FBXW12: variants seen among roughly 807,000 people sequenced by gnomAD.
FBXW12 encodes the protein F-box and WD repeat domain containing 12.
In FBXW12, 43 loss-of-function variants were observed where a neutral mutation model predicts 55.3. That is an observed-to-expected ratio of 0.78 (90% CI 0.61 to 1.00). FBXW12 has a LOEUF of 1.00. Among genes scored for constraint, FBXW12 ranks in the 50% least tolerant of loss-of-function variants. The pLI is 0.00. For synonymous variants in FBXW12, 184 were observed against 203.8 expected, an observed-to-expected ratio of 0.90 and a Z score of 0.83; for missense variants, 524 against 560.5, an observed-to-expected ratio of 0.93 and a Z score of 0.66.
rs1560029106 is a variant in FBXW12, at chr3:48,373,290, T to G, written c.91-18T>G. On this transcript the variant is annotated intron_variant, in intron 2 of 10. Coordinates refer to ENST00000296438, the MANE Select transcript of FBXW12 (RefSeq NM_207102.2). Reference sequence around the variant, plus strand: ...ATGTAACTGATTGCCTGCTTGTCTCTTCCTTTCTCTCCCATAGCATTGGAA... The same window carrying G: ...ATGTAACTGATTGCCTGCTTGTCTCGTCCTTTCTCTCCCATAGCATTGGAA... 1 of 1,614,178 alleles carries G rather than the reference T, an allele frequency of 6.2e-7. No homozygotes were observed. Among genetic ancestry groups the G allele is most frequent in the Admixed American group, 1.7e-5 (1 of 60,020 alleles).
intron 8 of FBXW12, 66 bp downstream of exon 8, chr3:48,380,978 C>A: frequency 6.2e-6 from 8 of 1,295,590 alleles, no homozygotes; most frequent in Non-Finnish European, 7.8e-6. Context: ...GTGTTTAGCT[C>A]TAATAAATGG....
Position 48,378,527 on chromosome 3 carries a change from G to A in FBXW12, c.615+1G>A. The A allele has an allele frequency of 1.2e-6, 2 of 1,613,270 alleles. No individual in the cohort carries two copies. Among genetic ancestry groups the A allele is most frequent in the Non-Finnish European group, 1.7e-6 (2 of 1,179,800 alleles). On this transcript the variant is annotated splice_donor_variant, in intron 6 of 10. Transcript: ENST00000296438. LOFTEE classifies it high-confidence loss of function. ...TACAAAGGATGGCCCATTCCTGATG[G>A]TAAGTGAGCCCTGAATTTAGAGGGG...
At position 48,381,031 on chromosome 3, in the gene FBXW12, T is replaced by G. The variant is rs1001050639; in HGVS notation, c.985+119T>G. 1.8e-4 allele frequency: 152 copies of G among 864,080 alleles called. 2 individuals carry two copies. The highest frequency in any genetic ancestry group is 2.5e-4 in the Non-Finnish European group (144 of 574,684). 53.5% of individuals were successfully genotyped at this position (864,080 alleles called of 1,614,324 possible). ...GAGCAGGGGATTTCTAGTTTTTTTT[T>G]TTTTTTTTTGAGACGGAGTCTTGCT... On this transcript the variant is annotated intron_variant, in intron 8 of 10. Transcript: ENST00000296438.
intron 7 of FBXW12, 94 bp downstream of exon 7, chr3:48,379,652 A>AC: frequency 2.0e-6 from 2 of 1,001,040 alleles, no homozygotes; most frequent in Admixed American, 1.9e-5. Flanking sequence ...GACCAGGCAC[A>AC]CTGCTCCTTC....
intron 10 of FBXW12, among the ~76,000 whole-genome samples, chr3:48,382,418 ACTT>A (rs2036791761): frequency 6.6e-6 from 1 of 151,300 alleles, no homozygotes. Flanking sequence ...CCTGCCGAAA[ACTT>A]CTAATTTCTA....
Position 48,381,689 on chromosome 3 carries a change from C to A in FBXW12, c.986-11C>A. 1 of 1,545,886 alleles carries A rather than the reference C, an allele frequency of 6.5e-7. No homozygotes were observed. Among genetic ancestry groups the A allele is most frequent in the Non-Finnish European group, 8.7e-7 (1 of 1,145,280 alleles). ...TGTGTGTATATATATGTGCGTTTTA[C>A]ATGAAAACAGCATATGAGATCGCAA... On this transcript the variant is annotated splice_polypyrimidine_tract_variant and intron_variant, in intron 8 of 10. Transcript: ENST00000296438.
Position 48,381,973 on chromosome 3 carries a change from A to G in FBXW12, c.1183A>G (p.Thr395Ala), listed in dbSNP as rs748901362. Residue 395 changes from threonine to alanine, a missense_variant, in exon 10 of 11, where the codon ACC (threonine) becomes GCC (alanine). Coordinates refer to ENST00000296438, the MANE Select transcript of FBXW12 (RefSeq NM_207102.2). Reference protein sequence around the residue: ...NFWVDPCYVLTTSENSVHVYM... With the variant: ...NFWVDPCYVLATSENSVHVYM... ...TTGGAAGGATCCTTGCTATGTGCTCACCACATCCGAGAACTCTGTGCACGT... is the reference window on the plus strand; with the variant it reads ...TTGGAAGGATCCTTGCTATGTGCTCGCCACATCCGAGAACTCTGTGCACGT... The G allele has an allele frequency of 6.2e-7, 1 of 1,614,156 alleles. No homozygotes were observed. Among genetic ancestry groups the G allele is most frequent in the Admixed American group, 1.7e-5 (1 of 60,018 alleles).
At chr3:48,390,964 T>A (rs1447379946) in intron 10 of FBXW12, among the ~76,000 whole-genome samples, 1 of 151,804 alleles carries the variant, frequency 6.6e-6, no homozygotes. Flanking sequence ...TCTTTAGGGT[T>A]TTCTTTGTAT....
Position 48,378,455 on chromosome 3 carries a change from G to T in FBXW12, c.544G>T (p.Ala182Ser). The T allele has an allele frequency of 1.2e-6, 2 of 1,614,060 alleles. No homozygotes were observed. The highest frequency in any genetic ancestry group is 1.7e-6 in the Non-Finnish European group (2 of 1,180,012). ...VWNCQDRDALAVLPMPQPCYC... is the reference protein window; with the variant it reads ...VWNCQDRDALSVLPMPQPCYC... ...GAACTGTCAGGACAGGGACGCTCTG[G>T]CTGTTCTCCCCATGCCACAGCCCTG... is the stretch of plus-strand genomic sequence containing the variant. The change falls in exon 6 of 11, where the codon GCT (alanine) becomes TCT (serine). Residue 182 changes from alanine (A) to serine (S), a missense_variant. Physicochemically the swap from Ala to Ser is moderately conservative, Grantham distance 99. Transcript: ENST00000296438.
At position 48,380,895 on chromosome 3, in the gene FBXW12, G is replaced by A. The variant is rs753505292; in HGVS notation, c.968G>A (p.Gly323Asp). 8.1e-6 allele frequency: 13 copies of A among 1,613,828 alleles called. No individual in the cohort carries two copies. Among genetic ancestry groups the A allele is most frequent in the Non-Finnish European group, 1.1e-5 (13 of 1,179,996 alleles). The change falls in exon 8 of 11, where the codon GGC becomes GAC. Residue 323 changes from glycine (G) to aspartate (D), a missense_variant. By Grantham distance (94) the Gly-to-Asp change is moderately conservative. Transcript: ENST00000296438. ...TFDLTTKKTG[G>D]QTVIQAYEIA... is the part of the protein sequence containing the mutation. ...GATCTAACAACCAAGAAGACTGGAG[G>A]CCAAACAGTCATCCAAGGTAGGCTG...
At chr3:48,379,837 G>T in intron 7 of FBXW12, 1 of 373,786 alleles carries the variant, frequency 2.7e-6, no homozygotes, top group Non-Finnish European at 5.0e-6. Flanking sequence ...AGGGATTGCT[G>T]GGCATGGTGG....
intron 10 of FBXW12, among the ~76,000 whole-genome samples, chr3:48,386,466 A>T (rs1487213898): frequency 6.6e-6 from 1 of 152,118 alleles, no homozygotes; most frequent in Non-Finnish European, 1.5e-5. Context: ...TGCTTTGAGT[A>T]TTTGGGGTCT....
chr3:48,372,284 A>G lies in FBXW12; in HGVS notation c.-121A>G. ...AAACCCAGAGGCCATGCTGGCGCTG[A>G]GAGATGAGCCCCACTCACCAGATTC... On this transcript the variant is annotated 5_prime_UTR_variant, in exon 1 of 11. Transcript: ENST00000296438. The G allele has an allele frequency of 1.3e-6, 2 of 1,552,212 alleles. No homozygotes were observed. Among genetic ancestry groups the G allele is most frequent in the South Asian group, 1.2e-5 (1 of 84,054 alleles).
In FBXW12 at chr3:48,372,320, G is replaced by A. The variant is rs267599852; in HGVS notation, c.-85G>A. ...CCACTCACCAGATTCAAGATCCCAA[G>A]GTAGGCACAGACACAGGGCAAGCAG... is the stretch of plus-strand genomic sequence containing the variant. On this transcript the variant is annotated splice_region_variant and 5_prime_UTR_variant, in exon 1 of 11. It adds an upstream start codon to the 5' untranslated region. Coordinates refer to ENST00000296438, the MANE Select transcript of FBXW12 (RefSeq NM_207102.2). The A allele has an allele frequency of 2.5e-5, 39 of 1,552,100 alleles. No homozygotes were observed. The highest frequency in any genetic ancestry group is 3.4e-5 in the Non-Finnish European group (39 of 1,147,108).
intron 10 of FBXW12, among the ~76,000 whole-genome samples, chr3:48,390,694 G>A (rs1173907581): frequency 6.6e-6 from 1 of 151,888 alleles, no homozygotes; most frequent in African/African-American, 2.4e-5. Flanking sequence ...GATTACAGGC[G>A]TGAGCCACCA....
At chr3:48,379,693 A>C in intron 7 of FBXW12, 135 bp downstream of exon 7, 1 of 691,906 alleles carries the variant, frequency 1.4e-6, no homozygotes, top group Non-Finnish European at 2.5e-6. Flanking sequence ...AGGGGAATCC[A>C]TTGTGATGGT....
At chr3:48,384,672 G>A (rs2106644009) in intron 10 of FBXW12, among the ~76,000 whole-genome samples, 1 of 152,228 alleles carries the variant, frequency 6.6e-6, no homozygotes, top group African/African-American at 2.4e-5. Flanking sequence ...GGTTGAAAAT[G>A]TTCTCTTCTA....
rs762735431 is a variant in FBXW12 at position 48,381,855 on chromosome 3, G to A, written c.1141G>A (p.Ala381Thr). The A allele has an allele frequency of 8.7e-6, 14 of 1,607,762 alleles. No individual in the cohort carries two copies. The highest frequency in any genetic ancestry group is 1.1e-5 in the Non-Finnish European group (13 of 1,175,536). The change falls in exon 9 of 11, where the codon GCA (alanine) becomes ACA (threonine). Residue 381 changes from alanine (A) to threonine (T), a missense_variant. Ala to Thr is a moderately conservative substitution (Grantham distance 58, BLOSUM62 0). Coordinates refer to ENST00000296438, the MANE Select transcript of FBXW12 (RefSeq NM_207102.2). The stretch of plus-strand genomic sequence containing the variant: ...GCTGCAACGATTTGAGGACCATCAG[G>A]CAGCCATCAACAACTTCTGGGTGGT... ...FLLQRFEDHQAAINNFWVDPC... is the reference protein window; with the variant it reads ...FLLQRFEDHQTAINNFWVDPC...
intron 7 of FBXW12, 60 bp downstream of exon 7, chr3:48,379,618 A>G (rs1015913277): frequency 6.1e-6 from 9 of 1,487,192 alleles, no homozygotes; most frequent in African/African-American, 5.5e-5. Flanking sequence ...GGAAGCATGC[A>G]GAGAAACTGC....
Sources: gnomAD v4.1 joint callset for allele counts (sites outside exome capture counted in the v4.1 genomes callset) on GRCh38, gnomAD v4.1.1 for gene constraint, MANE v1.5 for transcripts, NCBI Gene and HGNC (gene_info 2026-07-23, HGNC 2026-07-21) for gene names.